Variants in NFIB observed in about 807,000 individuals in gnomAD.
The protein encoded by NFIB is nuclear factor 1 B-type.
A neutral mutation model predicts 61.5 loss-of-function variants in NFIB; 11 were observed. That is an observed-to-expected ratio of 0.18 (90% confidence interval 0.11 to 0.30). NFIB has a LOEUF of 0.30. Ranked by LOEUF, NFIB falls within the 10% of genes least tolerant of loss-of-function variation. The pLI is 1.00. For synonymous variants in NFIB, 260 were observed against 216.5 expected (o/e 1.20, Z -1.76); for missense variants, 471 against 608.9 (o/e 0.77, Z 2.38).
chr9:14,344,226 GCA>G (rs1343293810), intron 1 of NFIB, among the ~76,000 whole-genome samples: 1 of 151,560 alleles, frequency 6.6e-6, no homozygotes, highest in Admixed American at 6.6e-5. Context: ...CCCAAGAGAG[GCA>G]CACACAGAGA....
In NFIB at chr9:14,120,416, T is replaced by A. The variant is rs1241073625; in HGVS notation, c.1245+24A>T. On this transcript the variant is annotated intron_variant, in intron 8 of 10. Transcript: ENST00000380953. The surrounding 1 kb of genome is among the most constrained non-coding windows in gnomAD (Gnocchi z 4.4). Reference sequence around the variant, plus strand: ...CTGTCCCATCTCCCTTAGGTGCTAATCTTATTTTCTCTCTTATTTTTACCT... The same window carrying A: ...CTGTCCCATCTCCCTTAGGTGCTAAACTTATTTTCTCTCTTATTTTTACCT... 1.2e-6 allele frequency: 2 copies of A among 1,611,434 alleles called. No homozygotes were observed. Among genetic ancestry groups the A allele is most frequent in the East Asian group, 2.2e-5 (1 of 44,850 alleles).
intron 3 of NFIB, among the ~76,000 whole-genome samples, chr9:14,175,054 T>A (rs1268494850): frequency 2.6e-5 from 4 of 152,070 alleles, no homozygotes; most frequent in Non-Finnish European, 5.9e-5. Context: ...CTAATAATTA[T>A]TTGGTTTGTT....
At chr9:14,208,976 G>A (rs956316697) in intron 2 of NFIB, among the ~76,000 whole-genome samples, 1 of 152,076 alleles carries the variant, frequency 6.6e-6, no homozygotes, top group African/African-American at 2.4e-5. Flanking sequence ...CAACAAAAAT[G>A]TACACAAAAA....
intron 1 of NFIB, among the ~76,000 whole-genome samples, chr9:14,323,971 T>A (rs2060721232): frequency 6.6e-6 from 1 of 152,182 alleles, no homozygotes; most frequent in Non-Finnish European, 1.5e-5. Flanking sequence ...TTTAAAATAA[T>A]TTGTCTAACT....
In NFIB at chr9:14,300,284, C is replaced by T. The variant is rs533400437; in HGVS notation, c.562+6705G>A. On this transcript the variant is annotated intron_variant, in intron 2 of 10. Coordinates refer to ENST00000380953, the MANE Select transcript of NFIB (RefSeq NM_001190737.2). Reference sequence around the variant, plus strand: ...AGCCGTAATAACTCAAGTTTCCGATCGCATAACCACTAGTCCTTGAGATTT... The same window carrying T: ...AGCCGTAATAACTCAAGTTTCCGATTGCATAACCACTAGTCCTTGAGATTT... 4.3e-5 allele frequency: 17 copies of T among 398,302 alleles called. No individual in the cohort carries two copies. In the East Asian group the frequency reaches 5.3e-4, roughly 13 times the overall value. 24.7% of individuals were successfully genotyped at this position (398,302 alleles called of 1,614,324 possible).
At chr9:14,102,125 C>G (rs914249777) in intron 10 of NFIB, among the ~76,000 whole-genome samples, 1 of 152,062 alleles carries the variant, frequency 6.6e-6, no homozygotes, top group Admixed American at 6.6e-5. Context: ...CTTTTCAGGT[C>G]CTAAAATCTA....
chr9:14,509,709 C>A, the NFIB span, among the ~76,000 whole-genome samples: 1 of 152,122 alleles, frequency 6.6e-6, no homozygotes, highest in Admixed American at 6.5e-5. Context: ...CATCCCACCC[C>A]TGAAGCACCA....
chr9:14,204,640 A>G (rs559062144), intron 2 of NFIB: 1 of 673,242 alleles, frequency 1.5e-6, no homozygotes, highest in East Asian at 2.7e-5. Flanking sequence ...CCCCACTAAG[A>G]ACACCTGTCC....
chr9:14,126,846 A>G (rs1032537304), intron 6 of NFIB, among the ~76,000 whole-genome samples: 2 of 152,226 alleles, frequency 1.3e-5, no homozygotes, highest in African/African-American at 4.8e-5. Flanking sequence ...CAGATTCATC[A>G]ATACATTCAT....
the NFIB span, among the ~76,000 whole-genome samples, chr9:14,448,505 T>A: frequency 1.3e-5 from 2 of 152,230 alleles, no homozygotes; most frequent in Non-Finnish European, 2.9e-5. Flanking sequence ...GCTTCCTTTT[T>A]CTTAAAAAAC....
the NFIB span, among the ~76,000 whole-genome samples, chr9:14,484,364 G>C: frequency 1.3e-5 from 2 of 152,180 alleles, no homozygotes; most frequent in Non-Finnish European, 2.9e-5. Flanking sequence ...CTAGCAGGTT[G>C]AGAGCCAAAT....
chr9:14,123,403 C>T (rs183316808), intron 7 of NFIB, among the ~76,000 whole-genome samples: 4 of 152,254 alleles, frequency 2.6e-5, no homozygotes, highest in South Asian at 2.1e-4. Flanking sequence ...TTCAGTCTTG[C>T]TCCTTCCAAA....
chr9:14,191,816 C>A (rs1035173107), intron 2 of NFIB, among the ~76,000 whole-genome samples: 1 of 152,156 alleles, frequency 6.6e-6, no homozygotes, highest in Non-Finnish European at 1.5e-5. Context: ...TTTCATTGCA[C>A]GTACCATTAC....
At chr9:14,174,172 CA>C in intron 3 of NFIB, among the ~76,000 whole-genome samples, 1 of 149,126 alleles carries the variant, frequency 6.7e-6, no homozygotes, top group African/African-American at 2.6e-5. Flanking sequence ...AAACAAAATA[CA>C]TTAAAAAAAA....
chr9:14,254,105 T>C (rs2055951676), intron 2 of NFIB, among the ~76,000 whole-genome samples: 1 of 152,098 alleles, frequency 6.6e-6, no homozygotes, highest in Non-Finnish European at 1.5e-5. Context: ...AGTTTGAGAC[T>C]AGCCTGGCCA....
rs1448601679 is a variant in NFIB at position 14,088,066 on chromosome 9, G to A, written c.*243C>T. The A allele has an allele frequency of 1.3e-6, 1 of 780,100 alleles. No individual in the cohort carries two copies. The allele number at this position is 780,100 out of a possible 1,614,324, so 48.3% of individuals were successfully genotyped here. On this transcript the variant is annotated 3_prime_UTR_variant, in exon 11 of 11. Transcript: ENST00000380953. ...ATTAGTGATTGTAAGTGCTGCAATTGCTGGTCTATTATCTTCTTTCTTCAG... is the reference window on the plus strand; with the variant it reads ...ATTAGTGATTGTAAGTGCTGCAATTACTGGTCTATTATCTTCTTTCTTCAG...
At chr9:14,500,276 C>T in the NFIB span, among the ~76,000 whole-genome samples, 4,422 of 152,288 alleles carry the variant, frequency 0.029, 75 homozygotes, top group South Asian at 0.036. Flanking sequence ...TTCCAGACCA[C>T]TGCCTTTCCC....
chr9:14,210,019 C>G (rs1415801215), intron 2 of NFIB, among the ~76,000 whole-genome samples: 1 of 152,096 alleles, frequency 6.6e-6, no homozygotes, highest in Non-Finnish European at 1.5e-5. Flanking sequence ...GTTTTACATA[C>G]TTGAATTAAG....
intron 2 of NFIB, among the ~76,000 whole-genome samples, chr9:14,280,315 C>T (rs1489765631): frequency 6.6e-6 from 1 of 152,032 alleles, no homozygotes; most frequent in Non-Finnish European, 1.5e-5. Context: ...ATAGATCTTG[C>T]CTCATGGGGC....
Sources: gnomAD v4.1 joint callset for allele counts (sites outside exome capture counted in the v4.1 genomes callset) on GRCh38, gnomAD v4.1.1 for gene constraint, Gnocchi (gnomAD v3.1) non-coding constraint, MANE v1.5 for transcripts, NCBI Gene and HGNC (gene_info 2026-07-23, HGNC 2026-07-21) for gene names.